The following RECK variants were observed in gnomAD, a reference collection of about 807,000 sequenced individuals.
The protein encoded by RECK is reversion-inducing cysteine-rich protein with Kazal motifs.
In RECK, 69 loss-of-function variants were observed where a neutral mutation model predicts 115.1. That is an observed-to-expected ratio of 0.60 (90% CI 0.49 to 0.73). The LOEUF (loss-of-function observed/expected upper bound fraction) is 0.73, where lower values mean the gene tolerates loss of function less well. Among genes scored for constraint, RECK ranks in the 30% least tolerant of loss-of-function variants. RECK has a pLI of 0.00. For synonymous variants in RECK, 414 were observed against 419.7 expected, an observed-to-expected ratio of 0.99 and a Z score of 0.17; for missense variants, 1,047 against 1,203.7, an observed-to-expected ratio of 0.87 and a Z score of 1.93.
chr9:36,045,527 GTA>G (rs543561223), intron 1 of RECK, among the ~76,000 whole-genome samples: 215 of 150,608 alleles, frequency 1.4e-3, no homozygotes, highest in African/African-American at 5.0e-3. Flanking sequence ...ATATGTGTGT[GTA>G]TATATATATT....
At chr9:36,090,917 A>G (rs1241146370) in intron 9 of RECK, among the ~76,000 whole-genome samples, 2 of 152,226 alleles carry the variant, frequency 1.3e-5, no homozygotes, top group African/African-American at 2.4e-5. Flanking sequence ...TGAACATTAA[A>G]TTTGGCACTG....
At chr9:36,116,843 C>T (rs958675492) in intron 16 of RECK, 142 bp from the exon 17 acceptor site, 9 of 602,424 alleles carry the variant, frequency 1.5e-5, no homozygotes, top group African/African-American at 3.7e-5. Context: ...CTCTCCCACT[C>T]TACATAAGCT....
At chr9:36,104,892 C>T (rs1823740545) in intron 12 of RECK, among the ~76,000 whole-genome samples, 1 of 152,042 alleles carries the variant, frequency 6.6e-6, no homozygotes, top group Non-Finnish European at 1.5e-5. Flanking sequence ...ATCACTGTAT[C>T]TCCAGCACCT....
chr9:36,067,219 A>G (rs184040821), intron 6 of RECK, among the ~76,000 whole-genome samples: 13 of 152,292 alleles, frequency 8.5e-5, no homozygotes, highest in Admixed American at 7.8e-4. Flanking sequence ...TTGGTGTAAT[A>G]TAGCCTATTT....
chr9:36,073,241 G>GACACACAC (rs778489595), intron 6 of RECK, among the ~76,000 whole-genome samples: 1,254 of 67,486 alleles, frequency 0.019, 26 homozygotes, highest in African/African-American at 0.053. Context: ...GACACACACA[G>GACACACAC]ACACACACAC....
At position 36,094,892 on chromosome 9, in the gene RECK, G is replaced by A. The variant is rs1444617600; in HGVS notation, c.1085+3549G>A. Among the ~76,000 whole-genome samples, 7 of 152,156 alleles carry A rather than the reference G, an allele frequency of 4.6e-5. No individual in the cohort carries two copies. The highest frequency in any genetic ancestry group is 1.4e-4 in the African/African-American group (6 of 41,430). ...TAATAGAACAAATGGAAAAAAATCAGTGAGGATATAGAGGATTTGAACAAC... is the reference window on the plus strand; with the variant it reads ...TAATAGAACAAATGGAAAAAAATCAATGAGGATATAGAGGATTTGAACAAC... On this transcript the variant is annotated intron_variant, in intron 10 of 20. Coordinates refer to ENST00000377966, the MANE Select transcript of RECK (RefSeq NM_021111.3). This position sits in a 1 kb window ranked among gnomAD's most constrained non-coding sequence, Gnocchi z 4.1.
intron 20 of RECK, 42 bp from the exon 21 acceptor site, chr9:36,122,782 T>C (rs776342362): frequency 1.3e-6 from 2 of 1,533,634 alleles, no homozygotes; most frequent in Non-Finnish European, 1.8e-6. Context: ...GTTGAAAACG[T>C]TCTGTGGTTT....
At chr9:36,048,563 A>G (rs1821164405) in intron 1 of RECK, among the ~76,000 whole-genome samples, 1 of 152,060 alleles carries the variant, frequency 6.6e-6, no homozygotes, top group Non-Finnish European at 1.5e-5. Flanking sequence ...ATCTATTTTC[A>G]GATCTAATCA....
chr9:36,043,165 C>T (rs1820945928), intron 1 of RECK, among the ~76,000 whole-genome samples: 1 of 146,026 alleles, frequency 6.8e-6, no homozygotes, highest in South Asian at 2.2e-4. Flanking sequence ...GCTGGGACTA[C>T]AGGCGCCTGC....
intron 2 of RECK, among the ~76,000 whole-genome samples, chr9:36,054,227 C>T (rs1821427241): frequency 6.6e-6 from 1 of 152,060 alleles, no homozygotes; most frequent in Non-Finnish European, 1.5e-5. Flanking sequence ...AGATTTTGAA[C>T]TGAGTAAACA....
intron 1 of RECK, among the ~76,000 whole-genome samples, chr9:36,051,104 A>G (rs1741615087): frequency 6.6e-6 from 1 of 152,206 alleles, no homozygotes; most frequent in Non-Finnish European, 1.5e-5. Flanking sequence ...ATGAATGATC[A>G]GTGCCTAGTA....
intron 13 of RECK, among the ~76,000 whole-genome samples, chr9:36,106,972 G>C (rs1021545607): frequency 1.3e-5 from 2 of 151,848 alleles, no homozygotes; most frequent in Admixed American, 6.6e-5. Flanking sequence ...CGGGCATGGT[G>C]GTGGGCACCT....
chr9:36,115,751 A>T (rs1824234356), intron 16 of RECK, among the ~76,000 whole-genome samples: 1 of 152,306 alleles, frequency 6.6e-6, no homozygotes, highest in African/African-American at 2.4e-5. Flanking sequence ...AGTATAAATC[A>T]TTTCCTTTGA....
intron 1 of RECK, among the ~76,000 whole-genome samples, chr9:36,048,314 A>G (rs1029780966): frequency 6.6e-6 from 1 of 151,870 alleles, no homozygotes; most frequent in South Asian, 2.1e-4. Flanking sequence ...CAACAGTTAC[A>G]TGCCTCTGAT....
intron 1 of RECK, among the ~76,000 whole-genome samples, chr9:36,041,954 T>G (rs577027370): frequency 6.6e-6 from 1 of 152,256 alleles, no homozygotes; most frequent in Admixed American, 6.5e-5. Context: ...TTCTAAATTA[T>G]AGGTGAGTTA....
At chr9:36,085,852 C>G (rs1049391561) in intron 8 of RECK, 1 of 152,052 alleles carries the variant, frequency 6.6e-6, no homozygotes, top group Non-Finnish European at 1.5e-5. Flanking sequence ...GCTGTGTGGT[C>G]AAAATCAGAG....
intron 9 of RECK, among the ~76,000 whole-genome samples, chr9:36,088,824 C>T (rs1564122661): frequency 6.6e-6 from 1 of 152,214 alleles, no homozygotes; most frequent in Non-Finnish European, 1.5e-5. Flanking sequence ...TTGAGACCAG[C>T]CTGGCCAATA....
chr9:36,100,454 A>C lies in RECK; in HGVS notation c.1209A>C (p.Lys403Asn), dbSNP rs1490457531. Residue 403 changes from lysine (K) to asparagine (N), a missense_variant, in exon 11 of 21, where the codon AAA becomes AAC. Transcript: ENST00000377966. ...PFINIPVLDI[K>N]KCQPEMWKAI... Reference sequence around the variant, plus strand: ...TCAATATACCTGTTCTTGATATTAAAAAGTGCCAGCCAGAGATGTGGAAAG... The same window carrying C: ...TCAATATACCTGTTCTTGATATTAACAAGTGCCAGCCAGAGATGTGGAAAG... 6.2e-7 allele frequency: 1 copy of C among 1,614,140 alleles called. No homozygotes were observed. Among genetic ancestry groups the C allele is most frequent in the Non-Finnish European group, 8.5e-7 (1 of 1,179,976 alleles).
chr9:36,110,804 G>A (rs1824012270), intron 15 of RECK, among the ~76,000 whole-genome samples: 2 of 151,826 alleles, frequency 1.3e-5, no homozygotes, highest in African/African-American at 4.8e-5. Context: ...GAGAGGGGTG[G>A]GGGCCGGGTG....
Sources: gnomAD v4.1 joint callset for allele counts (sites outside exome capture counted in the v4.1 genomes callset) on GRCh38, gnomAD v4.1.1 for gene constraint, Gnocchi (gnomAD v3.1) non-coding constraint, MANE v1.5 for transcripts, NCBI Gene and HGNC (gene_info 2026-07-23, HGNC 2026-07-21) for gene names.